Variants in PABPC4L observed in about 807,000 individuals in gnomAD.
PABPC4L encodes the protein polyadenylate-binding protein 4-like.
For synonymous variants in PABPC4L, 169 were observed against 164.1 expected, an observed-to-expected ratio of 1.03 and a Z score of -0.23; for missense variants, 452 against 451.4, an observed-to-expected ratio of 1.00 and a Z score of -0.01.
the PABPC4L span, among the ~76,000 whole-genome samples, chr4:133,958,996 C>T: frequency 6.6e-6 from 1 of 152,208 alleles, no homozygotes; most frequent in African/African-American, 2.4e-5. Flanking sequence ...CAACTATTCA[C>T]TTCTTCATCA....
the PABPC4L span, among the ~76,000 whole-genome samples, chr4:134,006,076 T>C: frequency 1.3e-5 from 2 of 151,824 alleles, no homozygotes; most frequent in Non-Finnish European, 2.9e-5. Flanking sequence ...GTAAAATATA[T>C]ACAAATATAA....
At chr4:134,105,823 A>G in the PABPC4L span, among the ~76,000 whole-genome samples, 2,354 of 151,838 alleles carry the variant, frequency 0.016, 33 homozygotes, top group Middle Eastern at 0.041. Flanking sequence ...ATAAAAGCTT[A>G]CTGAGAAGAA....
At chr4:134,130,122 A>G in the PABPC4L span, among the ~76,000 whole-genome samples, 1 of 151,924 alleles carries the variant, frequency 6.6e-6, no homozygotes, top group East Asian at 1.9e-4. Context: ...AAGGTCACAC[A>G]TCAAGAAACT....
At chr4:134,121,220 T>A in the PABPC4L span, among the ~76,000 whole-genome samples, 1 of 151,320 alleles carries the variant, frequency 6.6e-6, no homozygotes, top group Non-Finnish European at 1.5e-5. Flanking sequence ...AAAAAATATA[T>A]AAATTATAAT....
At chr4:134,065,314 T>G in the PABPC4L span, among the ~76,000 whole-genome samples, 1 of 130,778 alleles carries the variant, frequency 7.6e-6, no homozygotes, top group Admixed American at 8.0e-5. Context: ...GATATCTCAT[T>G]GTGATTTTGG....
the PABPC4L span, among the ~76,000 whole-genome samples, chr4:134,075,462 G>A: frequency 6.6e-6 from 1 of 152,130 alleles, no homozygotes. Context: ...CAACTGGAGT[G>A]ATATCTGCTG....
the PABPC4L span, among the ~76,000 whole-genome samples, chr4:133,998,319 A>G: frequency 1.3e-5 from 2 of 151,936 alleles, no homozygotes; most frequent in Admixed American, 6.6e-5. Flanking sequence ...ACATTTTCCC[A>G]TGGATATTCC....
At chr4:134,121,794 T>C in the PABPC4L span, among the ~76,000 whole-genome samples, 1 of 151,844 alleles carries the variant, frequency 6.6e-6, no homozygotes, top group Non-Finnish European at 1.5e-5. Context: ...ACCTTTTCTA[T>C]AGGATGGTGA....
the PABPC4L span, among the ~76,000 whole-genome samples, chr4:133,981,947 T>C: frequency 6.6e-6 from 1 of 151,960 alleles, no homozygotes; most frequent in Non-Finnish European, 1.5e-5. Context: ...AATCAACATA[T>C]GTTGTATTGG....
At chr4:133,959,904 C>T in the PABPC4L span, among the ~76,000 whole-genome samples, 2 of 152,072 alleles carry the variant, frequency 1.3e-5, no homozygotes, top group African/African-American at 4.8e-5. Flanking sequence ...AATTGGCTGA[C>T]GTATTTAAAA....
At chr4:134,157,345 C>T in the PABPC4L span, among the ~76,000 whole-genome samples, 4 of 150,796 alleles carry the variant, frequency 2.7e-5, no homozygotes, top group African/African-American at 9.7e-5. Context: ...GTACTTAAGA[C>T]AAGTATAGTA....
the PABPC4L span, among the ~76,000 whole-genome samples, chr4:134,147,785 AGAT>A: frequency 6.6e-6 from 1 of 151,330 alleles, no homozygotes. Context: ...TCCTAGAAGA[AGAT>A]GTTAAAATAA....
At chr4:134,009,935 G>A in the PABPC4L span, among the ~76,000 whole-genome samples, 1 of 151,982 alleles carries the variant, frequency 6.6e-6, no homozygotes, top group African/African-American at 2.4e-5. Context: ...TCATTGATCT[G>A]GTTATGAAGC....
the PABPC4L span, among the ~76,000 whole-genome samples, chr4:134,041,109 C>G: frequency 1.3e-5 from 2 of 152,214 alleles, no homozygotes; most frequent in South Asian, 2.1e-4. Context: ...AATGGGAACA[C>G]TTTTACACTG....
the PABPC4L span, among the ~76,000 whole-genome samples, chr4:133,958,306 C>T: frequency 6.6e-6 from 1 of 152,208 alleles, no homozygotes; most frequent in Non-Finnish European, 1.5e-5. Flanking sequence ...AGAAGTTCCT[C>T]ATCTACGTCT....
chr4:134,022,541 A>G, the PABPC4L span, among the ~76,000 whole-genome samples: 1 of 152,076 alleles, frequency 6.6e-6, no homozygotes, highest in African/African-American at 2.4e-5. Flanking sequence ...CTCTTTTATC[A>G]ATAGAGTCCT....
chr4:134,030,861 G>A, the PABPC4L span, among the ~76,000 whole-genome samples: 2 of 152,116 alleles, frequency 1.3e-5, no homozygotes, highest in African/African-American at 4.8e-5. Flanking sequence ...GAATCCAAAT[G>A]TGGGTAAAAC....
the PABPC4L span, among the ~76,000 whole-genome samples, chr4:134,163,447 C>T: frequency 6.6e-6 from 1 of 152,028 alleles, no homozygotes; most frequent in African/African-American, 2.4e-5. Flanking sequence ...GGTATGAATC[C>T]TACTGAAAAT....
At chr4:134,152,494 G>A in the PABPC4L span, among the ~76,000 whole-genome samples, 2 of 152,136 alleles carry the variant, frequency 1.3e-5, no homozygotes, top group African/African-American at 2.4e-5. Context: ...CTGCCTCTGT[G>A]GCAGGCTTCT....
Sources: allele counts gnomAD v4.1 joint callset (sites outside exome capture counted in the v4.1 genomes callset), GRCh38; gene constraint gnomAD v4.1.1; transcripts MANE v1.5; gene names NCBI Gene and HGNC (gene_info 2026-07-23, HGNC 2026-07-21).